The following TNRC18 variants were observed in gnomAD, a reference collection of about 807,000 sequenced individuals.
The protein encoded by TNRC18 is trinucleotide repeat containing 18.
Under a neutral mutation model 226.7 loss-of-function variants are expected in TNRC18, and 69 were observed. That is an observed-to-expected ratio of 0.30 (90% CI 0.25 to 0.37). The LOEUF (loss-of-function observed/expected upper bound fraction) is 0.37. Among genes scored for constraint, TNRC18 ranks in the 10% least tolerant of loss-of-function variants. TNRC18 has a pLI of 1.00. For missense variants in TNRC18, 4,754 were observed against 4,256.6 expected, an observed-to-expected ratio of 1.12 and a Z score of -3.25; for synonymous variants, 2,449 against 1,927.6, an observed-to-expected ratio of 1.27 and a Z score of -7.09.
rs1190642946 is a variant in TNRC18, at chr7:5,324,138, G to A, written c.6442+76C>T. 3 of 1,485,190 alleles carry A rather than the reference G, an allele frequency of 2.0e-6. No individual in the cohort carries two copies. In the East Asian group the frequency reaches 7.4e-5, roughly 37 times the overall value. 92.0% of individuals were successfully genotyped at this position (1,485,190 alleles called of 1,614,324 possible). A position where few individuals can be genotyped will look rare whatever the true frequency, so the allele number is the denominator to read the frequency against. ...AGCTAGCCCAGCCCTTCAGTCTCAA[G>A]CCTTGCTCAGATCTGCCTCCCCCAA... On this transcript the variant is annotated intron_variant, in intron 21 of 29. Transcript: ENST00000430969. The surrounding 1 kb of genome is among the most constrained non-coding windows in gnomAD (Gnocchi z 4.8).
chr7:5,339,206 G>GT lies in TNRC18; in HGVS notation c.5720-6158dup, dbSNP rs200342865. Among the ~76,000 whole-genome samples the GT allele has an allele frequency of 3.2e-3, 474 of 146,438 alleles. 1 individual carries two copies. The highest frequency in any genetic ancestry group is 8.7e-3 in the African/African-American group (351 of 40,196). On this transcript the variant is annotated intron_variant, in intron 18 of 29. Transcript: ENST00000430969. ...GATGGGAAACTTCACCAACAAATGT[G>GT]TTTTTTTTGTTTCTTTTTTTTTCTT...
chr7:5,398,172 A>ATT (rs111908004), intron 2 of TNRC18, among the ~76,000 whole-genome samples: 58 of 148,894 alleles, frequency 3.9e-4, no homozygotes, highest in Non-Finnish European at 2.7e-4. Context: ...AGCAAAAAAA[A>ATT]ATTTTTTTTT....
chr7:5,359,433 C>G lies in TNRC18; in HGVS notation c.4798G>C (p.Asp1600His), dbSNP rs775386406. 1.9e-6 allele frequency: 3 copies of G among 1,614,038 alleles called. No individual in the cohort carries two copies. Among genetic ancestry groups the G allele is most frequent in the Admixed American group, 3.3e-5 (2 of 60,024 alleles). Residue 1600 changes from aspartate (D) to histidine (H), a missense_variant, in exon 15 of 30, where the codon GAT (aspartate) becomes CAT (histidine). Asp to His is a moderately conservative substitution (Grantham distance 81, BLOSUM62 -1). Transcript: ENST00000430969. ...GKARGRNQTW[D>H]EHEASSDFIS... Reference sequence around the variant, plus strand: ...AAGTCCGACGAGGCCTCATGTTCATCCCAAGTCTGGTTCCTCCCCCTGGCT... The same window carrying G: ...AAGTCCGACGAGGCCTCATGTTCATGCCAAGTCTGGTTCCTCCCCCTGGCT...
At chr7:5,354,544 T>C (rs1792146905) in intron 16 of TNRC18, among the ~76,000 whole-genome samples, 1 of 152,024 alleles carries the variant, frequency 6.6e-6, no homozygotes, top group Non-Finnish European at 1.5e-5. Flanking sequence ...TCTCTGGCAC[T>C]GTCTCTTCCT....
chr7:5,420,256 C>T (rs1166841603), intron 2 of TNRC18: 1 of 381,544 alleles, frequency 2.6e-6, no homozygotes, highest in Non-Finnish European at 5.3e-6. Context: ...GCCACCTCCT[C>T]CAGCAGCTCG....
At chr7:5,358,475 A>G (rs1029583704) in intron 15 of TNRC18, among the ~76,000 whole-genome samples, 1 of 152,002 alleles carries the variant, frequency 6.6e-6, no homozygotes, top group Non-Finnish European at 1.5e-5. Flanking sequence ...CTTCTCTTAG[A>G]CCCCGTCTCC....
chr7:5,370,993 A>G lies in TNRC18; in HGVS notation c.3601T>C (p.Leu1201=). Reference sequence around the variant, plus strand: ...GTGGCACTCAGCGCCTGGGCCTCCAACAGGCCACCTCCACAACCCCCTGCA... The same window carrying G: ...GTGGCACTCAGCGCCTGGGCCTCCAGCAGGCCACCTCCACAACCCCCTGCA... The part of the protein sequence containing the change: ...SPAGGCGGGL[L]EAQALSATGQ... The change falls in exon 11 of 30, where the codon TTG becomes CTG. Residue 1201 remains leucine, a synonymous_variant. Coordinates refer to ENST00000430969, the MANE Select transcript of TNRC18 (RefSeq NM_001080495.3). The G allele has an allele frequency of 6.2e-7, 1 of 1,606,860 alleles. No homozygotes were observed. Among genetic ancestry groups the G allele is most frequent in the East Asian group, 2.2e-5 (1 of 44,862 alleles).
At chr7:5,372,411 C>T (rs960370995) in intron 10 of TNRC18, among the ~76,000 whole-genome samples, 5 of 149,704 alleles carry the variant, frequency 3.3e-5, no homozygotes, top group African/African-American at 1.2e-4. Flanking sequence ...TTAGTAGAGA[C>T]GGGGATTCAC....
At chr7:5,334,950 G>A (rs912384586) in intron 18 of TNRC18, among the ~76,000 whole-genome samples, 3 of 152,162 alleles carry the variant, frequency 2.0e-5, no homozygotes, top group South Asian at 2.1e-4. Context: ...ATAGAGTCCC[G>A]CTGACCTCAG....
rs759381022 is a variant in TNRC18, at chr7:5,345,752, G to T, written c.5529C>A (p.Ser1843Arg). The stretch of plus-strand genomic sequence containing the variant: ...GGGCACCCAGCCTGTAGCCACCACC[G>T]CTGGCCTCGTCCTCCTCCTCGAGCT... ...EEELEEEDEA[S>R]GGGYRLGARE... Residue 1843 changes from serine to arginine, a missense_variant, in exon 18 of 30, where the codon AGC (serine) becomes AGA (arginine). By Grantham distance (110) the Ser-to-Arg change is moderately radical. Transcript: ENST00000430969. 2.6e-6 allele frequency: 4 copies of T among 1,548,236 alleles called. No homozygotes were observed. Among genetic ancestry groups the T allele is most frequent in the Non-Finnish European group, 3.5e-6 (4 of 1,146,822 alleles).
chr7:5,391,711 C>G lies in TNRC18; in HGVS notation c.344-1083G>C, dbSNP rs551508198. Among the ~76,000 whole-genome samples the G allele has an allele frequency of 1.6e-4, 24 of 151,336 alleles. No homozygotes were observed. The South Asian group carries it at 3.8e-3, about 24-fold the overall frequency. On this transcript the variant is annotated intron_variant, in intron 3 of 29. Transcript: ENST00000430969. Reference sequence around the variant, plus strand: ...AGGAGAAGTCACCTAAGAGAGCACACAGAGGCCAGGCATGGTGGCTCACAC... The same window carrying G: ...AGGAGAAGTCACCTAAGAGAGCACAGAGAGGCCAGGCATGGTGGCTCACAC...
At chr7:5,392,572 C>T (rs1780378046) in intron 3 of TNRC18, among the ~76,000 whole-genome samples, 1 of 152,038 alleles carries the variant, frequency 6.6e-6, no homozygotes, top group Non-Finnish European at 1.5e-5. Context: ...CAAGATTGTG[C>T]CACTATATAC....
intron 11 of TNRC18, among the ~76,000 whole-genome samples, chr7:5,369,738 C>G (rs536089280): frequency 6.6e-6 from 1 of 152,282 alleles, no homozygotes; most frequent in Admixed American, 6.5e-5. Flanking sequence ...CCAATTAATT[C>G]TCTCCTGCCT....
At chr7:5,397,748 G>A (rs1051905851) in intron 2 of TNRC18, among the ~76,000 whole-genome samples, 1 of 152,062 alleles carries the variant, frequency 6.6e-6, no homozygotes, top group Non-Finnish European at 1.5e-5. Context: ...CTGGGCCCCA[G>A]AGAAGCCTCC....
In TNRC18 at chr7:5,313,388, C is replaced by T; in HGVS notation, c.7503G>A (p.Leu2501=). 6.3e-7 allele frequency: 1 copy of T among 1,590,836 alleles called. No homozygotes were observed. Among genetic ancestry groups the T allele is most frequent in the Non-Finnish European group, 8.5e-7 (1 of 1,170,084 alleles). The change falls in exon 27 of 30, where the codon CTG becomes CTA. Residue 2501 remains leucine (L), a synonymous_variant. Transcript: ENST00000430969. Reference sequence around the variant, plus strand: ...TGCCGGCCGCGGGGGGATAGCTGCCCAGGCTCAGGAGGCTCTTGGGCTCCT... The same window carrying T: ...TGCCGGCCGCGGGGGGATAGCTGCCTAGGCTCAGGAGGCTCTTGGGCTCCT... ...GWQEPKSLLS[L]GSYPPAAGSS... is the part of the protein sequence containing the mutation.
At chr7:5,389,367 G>A (rs1380237481) in intron 4 of TNRC18, 31 bp from the exon 5 acceptor site, 9 of 1,242,788 alleles carry the variant, frequency 7.2e-6, no homozygotes, top group Non-Finnish European at 9.1e-6. Context: ...GGCAGTGAGC[G>A]AGCGCCACCT....
rs187304097 is a variant in TNRC18, at chr7:5,406,750, C to T, written c.188-12155G>A. Among the ~76,000 whole-genome samples, 11 of 151,268 alleles carry T rather than the reference C, an allele frequency of 7.3e-5. No homozygotes were observed. The East Asian group carries it at 2.0e-3, about 27-fold the overall frequency. ...CCTGTAATTGAAGCTACTCAGGAGA[C>T]TGAGGCAGGAGAGTCACTTGAACCC... On this transcript the variant is annotated intron_variant, in intron 2 of 29. Transcript: ENST00000430969.
chr7:5,310,980 A>C (rs993539750), intron 27 of TNRC18, among the ~76,000 whole-genome samples: 1 of 152,118 alleles, frequency 6.6e-6, no homozygotes, highest in African/African-American at 2.4e-5. Flanking sequence ...GTGTGCATGC[A>C]CGTGCATGGA....
At chr7:5,397,209 C>CA (rs980060936) in intron 2 of TNRC18, among the ~76,000 whole-genome samples, 46 of 152,302 alleles carry the variant, frequency 3.0e-4, no homozygotes, top group African/African-American at 1.1e-3. Flanking sequence ...GCAGGGCCTC[C>CA]AAGCCCTGCT....
Sources: allele counts gnomAD v4.1 joint callset (sites outside exome capture counted in the v4.1 genomes callset), GRCh38; gene constraint gnomAD v4.1.1; non-coding constraint Gnocchi (gnomAD v3.1); transcripts MANE v1.5; gene names NCBI Gene and HGNC (gene_info 2026-07-23, HGNC 2026-07-21).